Variants in DCSTAMP observed in about 807,000 individuals in gnomAD.
The protein encoded by DCSTAMP is dendrocyte expressed seven transmembrane protein.
In DCSTAMP, 25 loss-of-function variants were observed where a neutral mutation model predicts 33.8. The observed-to-expected ratio is 0.74, with a 90% CI of 0.54 to 1.03. The LOEUF (loss-of-function observed/expected upper bound fraction) is 1.03, where lower values mean the gene tolerates loss of function less well. Among genes scored for constraint, DCSTAMP ranks in the 50% least tolerant of loss-of-function variants. The pLI is 0.00. For missense variants in DCSTAMP, 531 were observed against 556.8 expected, an observed-to-expected ratio of 0.95 and a Z score of 0.47; for synonymous variants, 245 against 216.7, an observed-to-expected ratio of 1.13 and a Z score of -1.15.
intron 2 of DCSTAMP, among the ~76,000 whole-genome samples, chr8:104,353,137 A>G (rs1810512279): frequency 6.6e-6 from 1 of 152,234 alleles, no homozygotes; most frequent in Non-Finnish European, 1.5e-5. Flanking sequence ...GTTTCTACTT[A>G]TTGGGCACCT....
Position 104,348,890 on chromosome 8 carries a change from A to G in DCSTAMP, c.338A>G (p.Asn113Ser), listed in dbSNP as rs1294227409. 2 of 1,614,106 alleles carry G rather than the reference A, an allele frequency of 1.2e-6. No homozygotes were observed. Among genetic ancestry groups the G allele is most frequent in the Admixed American group, 1.7e-5 (1 of 60,014 alleles). ...ATCGTCATCTTGGGACACGTAGAAAATATTTTTCACAACTTTAAAGGTCTC... is the reference window on the plus strand; with the variant it reads ...ATCGTCATCTTGGGACACGTAGAAAGTATTTTTCACAACTTTAAAGGTCTC... Reference protein sequence around the residue: ...TGIVILGHVENIFHNFKGLLD... With the variant: ...TGIVILGHVESIFHNFKGLLD... Residue 113 changes from asparagine to serine, a missense_variant, in exon 2 of 4, where the codon AAT becomes AGT. Asn to Ser is a conservative substitution (Grantham distance 46). Coordinates refer to ENST00000297581, the MANE Select transcript of DCSTAMP (RefSeq NM_030788.4).
In DCSTAMP at chr8:104,348,681, A is replaced by C. The variant is rs1277996079; in HGVS notation, c.129A>C (p.Ser43=). ...LGVCCLVALI[S]VGLLSVAACW... ...TTTGCTGTTTGGTTGCTCTTATTTC[A>C]GTGGGCCTCCTGTCTGTGGCCGCCT... The change falls in exon 2 of 4, where the codon TCA becomes TCC. Residue 43 remains serine (S), a synonymous_variant. Coordinates refer to ENST00000297581, the MANE Select transcript of DCSTAMP (RefSeq NM_030788.4). 4.3e-6 allele frequency: 7 copies of C among 1,614,020 alleles called. No homozygotes were observed. Among genetic ancestry groups the C allele is most frequent in the Non-Finnish European group, 5.9e-6 (7 of 1,180,042 alleles).
At position 104,356,520 on chromosome 8, in the gene DCSTAMP, G is replaced by C. The variant is rs897034037; in HGVS notation, c.*322G>C. Reference sequence around the variant, plus strand: ...GTTCAAGGAAAAGAAAACGAAAACAGTTTAAATCTCTACCACAGCCTCACA... The same window carrying C: ...GTTCAAGGAAAAGAAAACGAAAACACTTTAAATCTCTACCACAGCCTCACA... On this transcript the variant is annotated 3_prime_UTR_variant, in exon 4 of 4. Transcript: ENST00000297581. 5.2e-5 allele frequency: 9 copies of C among 173,824 alleles called. No homozygotes were observed. The highest frequency in any genetic ancestry group is 1.9e-4 in the Admixed American group (3 of 15,842). 10.8% of individuals were successfully genotyped at this position (173,824 alleles called of 1,614,324 possible).
Position 104,348,821 on chromosome 8 carries a change from G to A in DCSTAMP, c.269G>A (p.Gly90Asp). The A allele has an allele frequency of 6.2e-7, 1 of 1,614,212 alleles. No individual in the cohort carries two copies. Among genetic ancestry groups the A allele is most frequent in the Non-Finnish European group, 8.5e-7 (1 of 1,180,046 alleles). Residue 90 changes from glycine to aspartate, a missense_variant, in exon 2 of 4, where the codon GGC becomes GAC. Coordinates refer to ENST00000297581, the MANE Select transcript of DCSTAMP (RefSeq NM_030788.4). ...ATTCTTCTTGTCTTTCTCTCTTGTG[G>A]CCTGCGTGAAGGCAGGAATGCTTTG... is the stretch of plus-strand genomic sequence containing the variant. ...CFILLVFLSC[G>D]LREGRNALIA...
chr8:104,347,152 G>A (rs1428818662), intron 1 of DCSTAMP, among the ~76,000 whole-genome samples: 1 of 152,204 alleles, frequency 6.6e-6, no homozygotes. Context: ...ACCTAAATCT[G>A]TGTGACTGAT....
At position 104,356,388 on chromosome 8, in the gene DCSTAMP, A is replaced by G. The variant is rs561881636; in HGVS notation, c.*190A>G. On this transcript the variant is annotated 3_prime_UTR_variant, in exon 4 of 4. Coordinates refer to ENST00000297581, the MANE Select transcript of DCSTAMP (RefSeq NM_030788.4). ...TCAAAGCCAAAGAGCTGCCAGGTAA[A>G]TGGTTATGTGGTCTATGTTCCAAAC... 1 of 478,274 alleles carries G rather than the reference A, an allele frequency of 2.1e-6. No homozygotes were observed. Among genetic ancestry groups the G allele is most frequent in the Non-Finnish European group, 3.7e-6 (1 of 273,640 alleles). The allele number at this position is 478,274 out of a possible 1,614,324, so 29.6% of individuals were successfully genotyped here. A position where few individuals can be genotyped will look rare whatever the true frequency, so the allele number is the denominator to read the frequency against.
chr8:104,352,776 C>T (rs1810499927), intron 2 of DCSTAMP, among the ~76,000 whole-genome samples: 1 of 152,154 alleles, frequency 6.6e-6, no homozygotes, highest in Admixed American at 6.5e-5. Flanking sequence ...ACACGTGAAA[C>T]AGTAGGGTGG....
intron 2 of DCSTAMP, among the ~76,000 whole-genome samples, chr8:104,350,428 G>T (rs2514668): frequency 0.63 from 95,327 of 151,972 alleles, 31,016 homozygotes; most frequent in South Asian, 0.72. Flanking sequence ...AATACAAGAG[G>T]GTTCCCAAGG....
Position 104,355,074 on chromosome 8 carries a change from C to T in DCSTAMP, c.1227C>T (p.Tyr409=). 1 of 1,614,038 alleles carries T rather than the reference C, an allele frequency of 6.2e-7. No individual in the cohort carries two copies. The highest frequency in any genetic ancestry group is 2.2e-5 in the East Asian group (1 of 44,876). Residue 409 remains tyrosine, a synonymous_variant, in exon 3 of 4, where the codon TAC becomes TAT. Transcript: ENST00000297581. ...QLKILVSASF[Y]PSVERKRIQY... is the part of the protein sequence containing the mutation. Reference sequence around the variant, plus strand: ...AAATCCTGGTGTCAGCATCTTTCTACCCCAGCGTGGAGAGGAAGCGCATCC... The same window carrying T: ...AAATCCTGGTGTCAGCATCTTTCTATCCCAGCGTGGAGAGGAAGCGCATCC...
Position 104,356,179 on chromosome 8 carries a change from C to G in DCSTAMP, c.1394C>G (p.Ala465Gly), listed in dbSNP as rs765750442. The change falls in exon 4 of 4, where the codon GCA becomes GGA. Residue 465 changes from alanine (A) to glycine (G), a missense_variant. Transcript: ENST00000297581. ...KMIRKKQMDM[A>G]SADKS is the part of the protein sequence containing the mutation. ...ATTAGGAAGAAGCAAATGGACATGGCAAGTGCAGACAAGTCATGAGAGACC... is the reference window on the plus strand; with the variant it reads ...ATTAGGAAGAAGCAAATGGACATGGGAAGTGCAGACAAGTCATGAGAGACC... The G allele has an allele frequency of 6.2e-7, 1 of 1,612,400 alleles. No individual in the cohort carries two copies. Among genetic ancestry groups the G allele is most frequent in the African/African-American group, 1.3e-5 (1 of 74,820 alleles).
At position 104,348,672 on chromosome 8, in the gene DCSTAMP, T is replaced by A. The variant is rs777363051; in HGVS notation, c.120T>A (p.Ala40=). ...IQHLGVCCLV[A]LISVGLLSVA... is the part of the protein sequence containing the mutation. ...ATTTGGGAGTTTGCTGTTTGGTTGC[T>A]CTTATTTCAGTGGGCCTCCTGTCTG... Residue 40 remains alanine, a synonymous_variant, in exon 2 of 4, where the codon GCT becomes GCA. Transcript: ENST00000297581. 4 of 1,614,190 alleles carry A rather than the reference T, an allele frequency of 2.5e-6. No homozygotes were observed. In the Admixed American group the frequency reaches 6.7e-5, roughly 27 times the overall value.
Position 104,348,645 on chromosome 8 carries a change from G to A in DCSTAMP, c.93G>A (p.Gln31=), listed in dbSNP as rs751590509. ...GCCCCGGATGGATGGACTTTATCCA[G>A]CATTTGGGAGTTTGCTGTTTGGTTG... The part of the protein sequence containing the change: ...PRSPGWMDFI[Q]HLGVCCLVAL... The change falls in exon 2 of 4, where the codon CAG becomes CAA. Residue 31 remains glutamine (Q), a synonymous_variant. Transcript: ENST00000297581. 4.3e-6 allele frequency: 7 copies of A among 1,614,218 alleles called. No homozygotes were observed. Among genetic ancestry groups the A allele is most frequent in the Non-Finnish European group, 5.9e-6 (7 of 1,180,052 alleles).
chr8:104,353,279 G>T (rs1473010408), intron 2 of DCSTAMP, among the ~76,000 whole-genome samples: 4 of 152,158 alleles, frequency 2.6e-5, no homozygotes, highest in Non-Finnish European at 5.9e-5. Flanking sequence ...TTGAAACGTT[G>T]GGGTGCCATT....
intron 1 of DCSTAMP, among the ~76,000 whole-genome samples, chr8:104,347,179 C>CAG (rs1263325094): frequency 6.6e-6 from 1 of 152,164 alleles, no homozygotes; most frequent in Admixed American, 6.5e-5. Flanking sequence ...TTAGCAGCTC[C>CAG]AGAGTGCCTT....
chr8:104,345,808 T>C (rs993275838), intron 1 of DCSTAMP, among the ~76,000 whole-genome samples: 1 of 152,188 alleles, frequency 6.6e-6, no homozygotes, highest in African/African-American at 2.4e-5. Context: ...CTGATTTCCT[T>C]TAAAGAAGAA....
Position 104,354,966 on chromosome 8 carries a change from A to T in DCSTAMP, c.1119A>T (p.Leu373=), listed in dbSNP as rs781541714. 1 of 1,613,884 alleles carries T rather than the reference A, an allele frequency of 6.2e-7. No individual in the cohort carries two copies. The change falls in exon 3 of 4, where the codon CTA becomes CTT. Residue 373 remains leucine, a synonymous_variant. Transcript: ENST00000297581. ...PNCIPKPKFL[L]SETWVPLSVI... The stretch of plus-strand genomic sequence containing the variant: ...GTATCCCAAAACCAAAATTCCTTCT[A>T]TCTGAGACCTGGGTTCCTCTCAGTG...
rs143602472 is a variant in DCSTAMP, at chr8:104,347,627, C to G, written c.-12-914C>G. Among the ~76,000 whole-genome samples the G allele has an allele frequency of 1.1e-3, 166 of 152,218 alleles. 2 individuals are homozygous for G. The highest frequency in any genetic ancestry group is 3.9e-3 in the African/African-American group (163 of 41,534). ...GATGGCTCACGTGTCTGTGGTCAGCCGGTGGGCCGGCTGAGAACCAGCTGG... is the reference window on the plus strand; with the variant it reads ...GATGGCTCACGTGTCTGTGGTCAGCGGGTGGGCCGGCTGAGAACCAGCTGG... On this transcript the variant is annotated intron_variant, in intron 1 of 3. Coordinates refer to ENST00000297581, the MANE Select transcript of DCSTAMP (RefSeq NM_030788.4).
chr8:104,344,926 G>A (rs958703528), intron 1 of DCSTAMP, among the ~76,000 whole-genome samples: 12 of 152,122 alleles, frequency 7.9e-5, no homozygotes, highest in Admixed American at 1.3e-4. Flanking sequence ...ACACCTTGGA[G>A]GTTGGTACAA....
chr8:104,355,667 A>T (rs1810605326), intron 3 of DCSTAMP, among the ~76,000 whole-genome samples: 1 of 152,238 alleles, frequency 6.6e-6, no homozygotes, highest in Non-Finnish European at 1.5e-5. Context: ...CATGACTCAT[A>T]CATAAAATGG....
Sources: allele counts gnomAD v4.1 joint callset (sites outside exome capture counted in the v4.1 genomes callset), GRCh38; gene constraint gnomAD v4.1.1; transcripts MANE v1.5; gene names NCBI Gene and HGNC (gene_info 2026-07-23, HGNC 2026-07-21).